The following RNF43 variants were observed in gnomAD, a reference collection of about 807,000 sequenced individuals.
The protein encoded by RNF43 is ring finger protein 43.
Under a neutral mutation model 78.4 loss-of-function variants are expected in RNF43, and 37 were observed. The ratio of observed to expected loss-of-function variants is 0.47; its 90% CI spans 0.36 to 0.62. The LOEUF (loss-of-function observed/expected upper bound fraction) is 0.62, where lower values mean the gene tolerates loss of function less well. Among genes scored for constraint, RNF43 ranks in the 20% least tolerant of loss-of-function variants. The probability of loss-of-function intolerance (pLI) is 0.00; values close to 1 mark genes in which losing one functional copy is unlikely to be tolerated. For missense variants in RNF43, 774 were observed against 1,007.9 expected (o/e 0.77, Z 3.14); for synonymous variants, 347 against 395.0 (o/e 0.88, Z 1.44).
At chr17:58,364,018 A>C (rs1972898325) in intron 3 of RNF43, among the ~76,000 whole-genome samples, 2 of 152,194 alleles carry the variant, frequency 1.3e-5, no homozygotes, top group African/African-American at 4.8e-5. Flanking sequence ...GAGAGGAAGA[A>C]GGGGACAGCA....
intron 2 of RNF43, among the ~76,000 whole-genome samples, chr17:58,380,037 G>A (rs923312843): frequency 7.2e-5 from 11 of 152,186 alleles, no homozygotes; most frequent in Non-Finnish European, 4.4e-5. Context: ...CAAGTTCTGA[G>A]GCCTGTGAAG....
intron 2 of RNF43, among the ~76,000 whole-genome samples, chr17:58,409,712 C>T (rs963985903): frequency 5.3e-5 from 8 of 152,034 alleles, no homozygotes; most frequent in African/African-American, 1.9e-4. Context: ...GGGCAAAACC[C>T]TGTCTCTACA....
chr17:58,368,814 T>C lies in RNF43; in HGVS notation c.375+2097A>G, dbSNP rs1973012275. On this transcript the variant is annotated intron_variant, in intron 3 of 9. Transcript: ENST00000407977. ...TCATGAGATAACTTGTATTAACATGTTGAACTAACAGAATTCCAACCAAAA... is the reference window on the plus strand; with the variant it reads ...TCATGAGATAACTTGTATTAACATGCTGAACTAACAGAATTCCAACCAAAA... Among the ~76,000 whole-genome samples, 5 of 152,128 alleles carry C rather than the reference T, an allele frequency of 3.3e-5. No homozygotes were observed. In the South Asian group the frequency reaches 8.3e-4, roughly 25 times the overall value.
intron 9 of RNF43, among the ~76,000 whole-genome samples, chr17:58,356,511 T>C (rs771677676): frequency 2.0e-5 from 3 of 152,170 alleles, no homozygotes; most frequent in Non-Finnish European, 4.4e-5. Context: ...TCACTGCTTA[T>C]GATATAGGGA....
intron 2 of RNF43, among the ~76,000 whole-genome samples, chr17:58,391,389 A>G (rs1454651822): frequency 6.6e-6 from 1 of 152,208 alleles, no homozygotes; most frequent in East Asian, 1.9e-4. Flanking sequence ...GTGCAGAACA[A>G]AAGGAAATTA....
In RNF43 at chr17:58,357,650, C is replaced by A. The variant is rs972996263; in HGVS notation, c.2126G>T (p.Arg709Met). ...GGGGCCTGGGGTTTCTGGTAGCAGC[C>A]TCTTGTCCAGGCCTGGAGGTCCACA... Reference protein sequence around the residue: ...LICGPPGLDKRLLPETPGPCY... With the variant: ...LICGPPGLDKMLLPETPGPCY... The change falls in exon 9 of 10, where the codon AGG becomes ATG. Residue 709 changes from arginine (R) to methionine (M), a missense_variant. Coordinates refer to ENST00000407977, the MANE Select transcript of RNF43 (RefSeq NM_017763.6). This position sits in a 1 kb window ranked among gnomAD's most constrained non-coding sequence, Gnocchi z 4.5. 59 of 1,613,622 alleles carry A rather than the reference C, an allele frequency of 3.7e-5. No homozygotes were observed. The highest frequency in any genetic ancestry group is 4.8e-5 in the Non-Finnish European group (57 of 1,179,792).
chr17:58,404,773 A>G (rs955937114), intron 2 of RNF43, among the ~76,000 whole-genome samples: 1 of 152,238 alleles, frequency 6.6e-6, no homozygotes, highest in African/African-American at 2.4e-5. Flanking sequence ...CCCTTATGGA[A>G]TGCAGTTTGC....
intron 2 of RNF43, among the ~76,000 whole-genome samples, chr17:58,388,703 C>CA (rs3837805): frequency 0.47 from 71,750 of 151,908 alleles, 17,753 homozygotes; most frequent in African/African-American, 0.63. Context: ...CAGGATTTGT[C>CA]AAGGAGATGG....
At chr17:58,396,233 C>T (rs556356768) in intron 2 of RNF43, among the ~76,000 whole-genome samples, 2 of 152,130 alleles carry the variant, frequency 1.3e-5, no homozygotes, top group Non-Finnish European at 2.9e-5. Context: ...AAACGTTTGA[C>T]TTGACAGTGG....
Position 58,357,732 on chromosome 17 carries a change from G to C in RNF43, c.2044C>G (p.Pro682Ala). Reference sequence around the variant, plus strand: ...TATGCCACACTGGGGGTGTAATGGGGAAAAATCTGGCAAGCTGGGTGCACA... The same window carrying C: ...TATGCCACACTGGGGGTGTAATGGGCAAAAATCTGGCAAGCTGGGTGCACA... ...ATVHPACQIFPHYTPSVAYPW... is the reference protein window; with the variant it reads ...ATVHPACQIFAHYTPSVAYPW... Residue 682 changes from proline to alanine, a missense_variant, in exon 9 of 10, where the codon CCC becomes GCC. Pro to Ala is a conservative substitution (Grantham distance 27, BLOSUM62 -1). Transcript: ENST00000407977. This position sits in a 1 kb window ranked among gnomAD's most constrained non-coding sequence, Gnocchi z 4.5. 1 of 1,611,902 alleles carries C rather than the reference G, an allele frequency of 6.2e-7. No homozygotes were observed. The highest frequency in any genetic ancestry group is 1.1e-5 in the South Asian group (1 of 90,834).
In RNF43 at chr17:58,354,864, C is replaced by T. The variant is rs1401040073; in HGVS notation, c.*79G>A. 1.7e-5 allele frequency: 22 copies of T among 1,299,322 alleles called. No individual in the cohort carries two copies. Among genetic ancestry groups the T allele is most frequent in the Non-Finnish European group, 2.0e-5 (18 of 894,050 alleles). 80.5% of individuals were successfully genotyped at this position (1,299,322 alleles called of 1,614,324 possible). A position where few individuals can be genotyped will look rare whatever the true frequency, so the allele number is the denominator to read the frequency against. On this transcript the variant is annotated 3_prime_UTR_variant, in exon 10 of 10. Transcript: ENST00000407977. ...GGTGTTTGCTGTGGTCCTTTCCTTTCCCAGGAGCAGGACTCTGTGCCAGGT... is the reference window on the plus strand; with the variant it reads ...GGTGTTTGCTGTGGTCCTTTCCTTTTCCAGGAGCAGGACTCTGTGCCAGGT...
intron 2 of RNF43, among the ~76,000 whole-genome samples, chr17:58,393,850 C>G (rs557091603): frequency 6.6e-6 from 1 of 151,968 alleles, no homozygotes; most frequent in Non-Finnish European, 1.5e-5. Context: ...GTCAGGAGAT[C>G]GAGACCATCC....
chr17:58,372,928 G>A (rs773223361), intron 2 of RNF43, among the ~76,000 whole-genome samples: 7 of 152,194 alleles, frequency 4.6e-5, no homozygotes, highest in South Asian at 2.1e-4. Context: ...GGTCTGGCAC[G>A]AAAGGGAAGG....
Position 58,360,877 on chromosome 17 carries a change from C to A in RNF43, c.755G>T (p.Cys252Phe), listed in dbSNP as rs2143447087. The A allele has an allele frequency of 6.2e-7, 1 of 1,612,208 alleles. No individual in the cohort carries two copies. Among genetic ancestry groups the A allele is most frequent in the Non-Finnish European group, 8.5e-7 (1 of 1,178,968 alleles). Residue 252 changes from cysteine to phenylalanine, a missense_variant, in exon 7 of 10, where the codon TGC becomes TTC. Coordinates refer to ENST00000407977, the MANE Select transcript of RNF43 (RefSeq NM_017763.6). This position sits in a 1 kb window ranked among gnomAD's most constrained non-coding sequence, Gnocchi z 4.3. ...QLATRRYQAS[C>F]RQARGEWPDS... ...TGGCCACTCACCCCGGGCCTGCCTGCAGCTGGCCTGGTACCTCCTGGTGGC... is the reference window on the plus strand; with the variant it reads ...TGGCCACTCACCCCGGGCCTGCCTGAAGCTGGCCTGGTACCTCCTGGTGGC...
At chr17:58,364,781 G>A (rs376718250) in intron 3 of RNF43, among the ~76,000 whole-genome samples, 2 of 152,234 alleles carry the variant, frequency 1.3e-5, no homozygotes, top group Admixed American at 6.5e-5. Context: ...AAGAGCCAGC[G>A]CTGGGACTTA....
chr17:58,366,173 G>A (rs556414691), intron 3 of RNF43, among the ~76,000 whole-genome samples: 3 of 152,304 alleles, frequency 2.0e-5, no homozygotes, highest in Non-Finnish European at 4.4e-5. Flanking sequence ...AAAGCACAAA[G>A]GAATAGAAAC....
Position 58,354,504 on chromosome 17 carries a change from G to A in RNF43, c.*439C>T. On this transcript the variant is annotated 3_prime_UTR_variant, in exon 10 of 10. Transcript: ENST00000407977. The stretch of plus-strand genomic sequence containing the variant: ...TGTTCAGAGCTCACCCAAGGAGGGA[G>A]GTGATAAGGTGTCATGCGTTCTGCT... 7.1e-6 allele frequency: 2 copies of A among 280,234 alleles called. No individual in the cohort carries two copies. Among genetic ancestry groups the A allele is most frequent in the Non-Finnish European group, 1.4e-5 (2 of 142,826 alleles). 17.4% of individuals were successfully genotyped at this position (280,234 alleles called of 1,614,324 possible).
intron 2 of RNF43, among the ~76,000 whole-genome samples, chr17:58,412,120 C>G (rs537698652): frequency 6.6e-6 from 1 of 151,950 alleles, no homozygotes; most frequent in South Asian, 2.1e-4. Context: ...CCTAAATATA[C>G]AAATTCAGTG....
intron 3 of RNF43, among the ~76,000 whole-genome samples, chr17:58,370,291 A>G (rs1973060705): frequency 6.6e-6 from 1 of 151,852 alleles, no homozygotes; most frequent in Admixed American, 6.6e-5. Flanking sequence ...GATGGTCTCG[A>G]TCTCCTGACC....
Sources: gnomAD v4.1 joint callset for allele counts (sites outside exome capture counted in the v4.1 genomes callset) on GRCh38, gnomAD v4.1.1 for gene constraint, Gnocchi (gnomAD v3.1) non-coding constraint, MANE v1.5 for transcripts, NCBI Gene and HGNC (gene_info 2026-07-23, HGNC 2026-07-21) for gene names.